Variants in PRKCH observed in about 807,000 individuals in gnomAD.
The protein encoded by PRKCH is protein kinase C eta.
PRKCH carries 28 observed loss-of-function variants against 82.5 expected under a neutral mutation model. The observed-to-expected ratio is 0.34, with a 90% CI of 0.25 to 0.47. PRKCH has a LOEUF of 0.47. Among genes scored for constraint, PRKCH ranks in the 20% least tolerant of loss-of-function variants. The pLI is 1.00. For synonymous variants in PRKCH, 322 were observed against 327.4 expected, an observed-to-expected ratio of 0.98 and a Z score of 0.18; for missense variants, 705 against 881.8, an observed-to-expected ratio of 0.80 and a Z score of 2.54.
At chr14:61,435,663 A>T (rs1307487133) in intron 2 of PRKCH, among the ~76,000 whole-genome samples, 1 of 152,044 alleles carries the variant, frequency 6.6e-6, no homozygotes, top group Non-Finnish European at 1.5e-5. Context: ...GGGCAATGTA[A>T]TGAGACCTCA....
chr14:61,276,057 A>G (rs989265152), intron 1 of PRKCH, among the ~76,000 whole-genome samples: 14 of 152,212 alleles, frequency 9.2e-5, no homozygotes, highest in Non-Finnish European at 5.9e-5. Context: ...CTGTGTACAT[A>G]GCATCAACAC....
At chr14:61,379,934 A>C (rs1375193900) in intron 1 of PRKCH, among the ~76,000 whole-genome samples, 1 of 152,120 alleles carries the variant, frequency 6.6e-6, no homozygotes, top group Non-Finnish European at 1.5e-5. Flanking sequence ...CACGGTGTGG[A>C]GGGGATGCAC....
At chr14:61,236,464 C>T (rs1369522571) in intron 1 of PRKCH, among the ~76,000 whole-genome samples, 1 of 151,568 alleles carries the variant, frequency 6.6e-6, no homozygotes, top group Non-Finnish European at 1.5e-5. Flanking sequence ...AATCCCAGCA[C>T]TTTGGGAGGC....
At chr14:61,248,755 T>TGTAC (rs2044909545) in intron 1 of PRKCH, among the ~76,000 whole-genome samples, 1 of 105,274 alleles carries the variant, frequency 9.5e-6, no homozygotes, top group Non-Finnish European at 1.8e-5. Flanking sequence ...GTTTTATGTA[T>TGTAC]GTATGTATGT....
chr14:61,342,690 G>GCA (rs1452679430), intron 1 of PRKCH, among the ~76,000 whole-genome samples: 1 of 152,202 alleles, frequency 6.6e-6, no homozygotes, highest in Non-Finnish European at 1.5e-5. Context: ...GGGCGGAGGT[G>GCA]TTTCAGCCCT....
At chr14:61,520,253 A>G (rs1313247232) in intron 10 of PRKCH, among the ~76,000 whole-genome samples, 1 of 152,064 alleles carries the variant, frequency 6.6e-6, no homozygotes, top group East Asian at 1.9e-4. Flanking sequence ...GTTTTTCCTC[A>G]TCTCCTTTTT....
chr14:61,435,214 C>T (rs1164721620), intron 2 of PRKCH, among the ~76,000 whole-genome samples: 1 of 152,148 alleles, frequency 6.6e-6, no homozygotes, highest in Non-Finnish European at 1.5e-5. Flanking sequence ...TTTCCTGTCT[C>T]ACTTCTGTAA....
intron 2 of PRKCH, among the ~76,000 whole-genome samples, chr14:61,399,674 G>T (rs946591885): frequency 1.7e-4 from 26 of 152,100 alleles, no homozygotes; most frequent in African/African-American, 5.6e-4. Flanking sequence ...TAATTTTAAG[G>T]TAGTTTCCTA....
intron 1 of PRKCH, among the ~76,000 whole-genome samples, chr14:61,248,746 TTTTATGTA>T (rs1335124282): frequency 6.9e-6 from 1 of 144,516 alleles, no homozygotes; most frequent in Non-Finnish European, 1.5e-5. Flanking sequence ...AATTCAATGG[TTTTATGTA>T]TGTATGTATG....
rs116296448 is a variant in PRKCH at position 61,483,075 on chromosome 14, A to C, written c.1279-2427A>C. Among the ~76,000 whole-genome samples, 1,350 of 152,338 alleles carry C rather than the reference A, an allele frequency of 8.9e-3. 22 individuals are homozygous for C. Among genetic ancestry groups the C allele is most frequent in the African/African-American group, 0.03 (1,268 of 41,582 alleles). ...AGGCTGGTTAACGAAAACATGTAAG[A>C]CTGACCTCCTTGCCCAGAGATGATT... On this transcript the variant is annotated intron_variant, in intron 9 of 13. Transcript: ENST00000332981.
intron 1 of PRKCH, among the ~76,000 whole-genome samples, chr14:61,239,795 C>T (rs1257659034): frequency 2.0e-5 from 3 of 152,144 alleles, no homozygotes; most frequent in Non-Finnish European, 4.4e-5. Context: ...TTCTGTAGTC[C>T]TGGCATAATT....
chr14:61,522,157 G>A (rs2042914912), intron 10 of PRKCH, among the ~76,000 whole-genome samples: 2 of 152,034 alleles, frequency 1.3e-5, no homozygotes, highest in African/African-American at 4.8e-5. Context: ...TCCTTCCATT[G>A]CTAAATCCCA....
chr14:61,234,698 A>G (rs1003383627), intron 1 of PRKCH, among the ~76,000 whole-genome samples: 2 of 152,246 alleles, frequency 1.3e-5, no homozygotes, highest in African/African-American at 4.8e-5. Context: ...GTCCAAATTC[A>G]TGCAATATCA....
chr14:61,228,200 T>A (rs1736779600), intron 1 of PRKCH, among the ~76,000 whole-genome samples: 1 of 152,186 alleles, frequency 6.6e-6, no homozygotes, highest in Non-Finnish European at 1.5e-5. Flanking sequence ...AACTTGGCCA[T>A]TGAATCCCGA....
chr14:61,464,328 G>A (rs766585820), intron 9 of PRKCH, among the ~76,000 whole-genome samples: 3 of 151,132 alleles, frequency 2.0e-5, no homozygotes, highest in Non-Finnish European at 2.9e-5. Flanking sequence ...GTGATATTGA[G>A]CATTTTTTCT....
At chr14:61,315,336 C>T (rs577861267) in intron 1 of PRKCH, among the ~76,000 whole-genome samples, 85 of 152,256 alleles carry the variant, frequency 5.6e-4, no homozygotes, top group African/African-American at 1.8e-3. Context: ...TCCAAAAATT[C>T]GTCAAATCTC....
At chr14:61,209,320 A>T (rs1325502254) in intron 1 of PRKCH, among the ~76,000 whole-genome samples, 4 of 90,714 alleles carry the variant, frequency 4.4e-5, no homozygotes, top group Non-Finnish European at 8.4e-5. Context: ...TAAAAAAAAA[A>T]AAAAAAAAAA....
rs796545531 is a variant in PRKCH, at chr14:61,413,408, CCCCCCG to C, written c.427+22125_427+22130del. On this transcript the variant is annotated intron_variant, in intron 2 of 13. Coordinates refer to ENST00000332981, the MANE Select transcript of PRKCH (RefSeq NM_006255.5). ...TTCATCATTTCTTTTTAAGCGCCCCCCCCCCGCCCCGCCCATGTACCCTGTGCCTAT... is the reference window on the plus strand; with the variant it reads ...TTCATCATTTCTTTTTAAGCGCCCCCCCCCGCCCATGTACCCTGTGCCTAT... Among the ~76,000 whole-genome samples the C allele has an allele frequency of 7.2e-3, 219 of 30,354 alleles. 7 individuals are homozygous for C. Among genetic ancestry groups the C allele is most frequent in the African/African-American group, 0.017 (207 of 11,958 alleles). The allele number at this position is 30,354 out of a possible 152,430, so 19.9% of individuals were successfully genotyped here.
rs113681621 is a variant in PRKCH, at chr14:61,529,174, G to A, written c.1533G>A (p.Thr511=). The A allele has an allele frequency of 1.4e-3, 2,325 of 1,613,804 alleles. 8 individuals are homozygous for A. The highest frequency in any genetic ancestry group is 5.4e-3 in the African/African-American group (403 of 75,008). Residue 511 remains threonine, a synonymous_variant, in exon 11 of 14, where the codon ACG becomes ACA. Transcript: ENST00000332981. The stretch of plus-strand genomic sequence containing the variant: ...AGGGGATTTGCAATGGTGTCACCAC[G>A]GCCACATTCTGTGGCACGCCAGACT... ...CKEGICNGVT[T]ATFCGTPDYI...
Sources: allele counts gnomAD v4.1 joint callset (sites outside exome capture counted in the v4.1 genomes callset), GRCh38; gene constraint gnomAD v4.1.1; transcripts MANE v1.5; gene names NCBI Gene and HGNC (gene_info 2026-07-23, HGNC 2026-07-21).